GLRA1: variants seen among roughly 807,000 people sequenced by gnomAD.
GLRA1 encodes the protein glycine receptor subunit alpha-1.
Under a neutral mutation model 48.3 loss-of-function variants are expected in GLRA1, and 37 were observed. The ratio of observed to expected loss-of-function variants is 0.77; its 90% CI spans 0.59 to 1.01. The LOEUF is 1.01. GLRA1 is among the 50% of genes least tolerant of loss of function. The pLI is 0.00. For synonymous variants in GLRA1, 196 were observed against 210.7 expected (o/e 0.93, Z 0.60); for missense variants, 427 against 571.0 (o/e 0.75, Z 2.57).
In GLRA1 at chr5:151,855,210, A is replaced by G. The variant is rs774562316; in HGVS notation, c.560-33T>C. ...GGGATCAGAAGAAGGAGCAGTCACC[A>G]CTCAGAAGCACTTGTTTGAAGCATG... On this transcript the variant is annotated intron_variant, in intron 5 of 8. Coordinates refer to ENST00000274576, the MANE Select transcript of GLRA1 (RefSeq NM_000171.4). 2.5e-6 allele frequency: 4 copies of G among 1,608,258 alleles called. No individual in the cohort carries two copies. In the African/African-American group the frequency reaches 5.3e-5, roughly 21 times the overall value.
chr5:151,916,149 A>G (rs1355756769), intron 1 of GLRA1, among the ~76,000 whole-genome samples: 2 of 152,224 alleles, frequency 1.3e-5, no homozygotes, highest in African/African-American at 4.8e-5. Context: ...CTCTGAGAAT[A>G]ACAGCATGGT....
In GLRA1 at chr5:151,903,542, A is replaced by G. The variant is rs780198891; in HGVS notation, c.57-11104T>C. On this transcript the variant is annotated intron_variant, in intron 1 of 8. Coordinates refer to ENST00000274576, the MANE Select transcript of GLRA1 (RefSeq NM_000171.4). ...TTCTTTGTTTCACTCAGCAGGTTCC[A>G]AAGTCTTGGGCAAGAAGTGAGTAGT... is the stretch of plus-strand genomic sequence containing the variant. 4.5e-4 allele frequency among the ~76,000 whole-genome samples: 68 copies of G among 152,230 alleles called. 1 individual carries two copies. Among genetic ancestry groups the G allele is most frequent in the Non-Finnish European group, 8.8e-4 (60 of 68,044 alleles).
intron 3 of GLRA1, among the ~76,000 whole-genome samples, chr5:151,867,815 A>G (rs1015212493): frequency 2.0e-5 from 3 of 152,216 alleles, no homozygotes; most frequent in Non-Finnish European, 4.4e-5. Flanking sequence ...AAATGAATTA[A>G]TTTGACTGTG....
chr5:151,915,353 T>C (rs887088039), intron 1 of GLRA1, among the ~76,000 whole-genome samples: 2 of 152,180 alleles, frequency 1.3e-5, no homozygotes, highest in African/African-American at 4.8e-5. Flanking sequence ...AGATGCATTT[T>C]TTCTGTACCC....
At chr5:151,885,854 T>C in intron 3 of GLRA1, among the ~76,000 whole-genome samples, 1 of 152,032 alleles carries the variant, frequency 6.6e-6, no homozygotes, top group East Asian at 1.9e-4. Flanking sequence ...AAGGCTAGTG[T>C]GGGATAAAGT....
chr5:151,835,893 C>T (rs1389284852), intron 7 of GLRA1, among the ~76,000 whole-genome samples: 1 of 152,156 alleles, frequency 6.6e-6, no homozygotes, highest in East Asian at 1.9e-4. Flanking sequence ...CCTTTGAAAG[C>T]CAGCACAAGA....
Position 151,851,414 on chromosome 5 carries a change from G to A in GLRA1, c.888C>T (p.Ser296=), listed in dbSNP as rs192326771. 2.5e-5 allele frequency: 40 copies of A among 1,613,374 alleles called. No individual in the cohort carries two copies. Among genetic ancestry groups the A allele is most frequent in the Admixed American group, 1.7e-4 (10 of 60,022 alleles). The part of the protein sequence containing the change: ...TTVLTMTTQS[S]GSRASLPKVS... Reference sequence around the variant, plus strand: ...CCTTGGGCAGAGATGCTCGAGAGCCGGAGCTCTGGGTGGTCATGGTGAGCA... The same window carrying A: ...CCTTGGGCAGAGATGCTCGAGAGCCAGAGCTCTGGGTGGTCATGGTGAGCA... The change falls in exon 7 of 9, where the codon TCC becomes TCT. Residue 296 remains serine (S), a synonymous_variant. Coordinates refer to ENST00000274576, the MANE Select transcript of GLRA1 (RefSeq NM_000171.4).
intron 3 of GLRA1, among the ~76,000 whole-genome samples, chr5:151,864,043 A>T (rs1753271269): frequency 6.6e-6 from 1 of 152,016 alleles, no homozygotes; most frequent in Admixed American, 6.6e-5. Flanking sequence ...TGTCCTGTTG[A>T]TGGTAATGGA....
intron 3 of GLRA1, among the ~76,000 whole-genome samples, chr5:151,877,314 T>C (rs887839310): frequency 1.3e-5 from 2 of 152,194 alleles, no homozygotes; most frequent in Non-Finnish European, 2.9e-5. Context: ...TGAATCATTG[T>C]TGTCTGAAGA....
chr5:151,903,779 T>C (rs1200647732), intron 1 of GLRA1, among the ~76,000 whole-genome samples: 2 of 152,244 alleles, frequency 1.3e-5, no homozygotes, highest in Non-Finnish European at 2.9e-5. Context: ...AGTTAAGAAC[T>C]GTTCCATACA....
intron 3 of GLRA1, among the ~76,000 whole-genome samples, chr5:151,884,297 T>C (rs1389005503): frequency 6.6e-6 from 1 of 152,004 alleles, no homozygotes. Context: ...GGCCTGGTGG[T>C]GCATGTCTGT....
rs1753006976 is a variant in GLRA1 at position 151,855,139 on chromosome 5, C to T, written c.598G>A (p.Glu200Lys). 1.9e-6 allele frequency: 3 copies of T among 1,613,988 alleles called. No homozygotes were observed. The South Asian group carries it at 3.3e-5, about 18-fold the overall frequency. The part of the protein sequence containing the change: ...TMNDLIFEWQ[E>K]QGAVQVADGL... Reference sequence around the variant, plus strand: ...TCTGCTACCTGCACGGCTCCCTGTTCCTGCCACTCAAAGATGAGGTCATTC... The same window carrying T: ...TCTGCTACCTGCACGGCTCCCTGTTTCTGCCACTCAAAGATGAGGTCATTC... The change falls in exon 6 of 9, where the codon GAA becomes AAA. Residue 200 changes from glutamate (E) to lysine (K), a missense_variant. By Grantham distance (56) the Glu-to-Lys change is moderately conservative (BLOSUM62 1). Coordinates refer to ENST00000274576, the MANE Select transcript of GLRA1 (RefSeq NM_000171.4).
intron 8 of GLRA1, among the ~76,000 whole-genome samples, chr5:151,827,027 C>CTTTTTT (rs1581595767): frequency 3.0e-5 from 3 of 100,190 alleles, no homozygotes; most frequent in Non-Finnish European, 6.5e-5. Context: ...TTCTTTCTTT[C>CTTTTTT]TGTTTTTTTT....
chr5:151,849,066 ATTTC>A lies in GLRA1; in HGVS notation c.912+2320_912+2323del, dbSNP rs757065123. 18 of 416,360 alleles carry A rather than the reference ATTTC, an allele frequency of 4.3e-5. No homozygotes were observed. In the East Asian group the frequency reaches 6.7e-4, roughly 15 times the overall value. 25.8% of individuals were successfully genotyped at this position (416,360 alleles called of 1,614,324 possible). ...TGTGTGGAAGAGTTGCCTGAGTGGG[ATTTC>A]TTTCTTTCTTTTCTTTCCTTTTTAT... is the stretch of plus-strand genomic sequence containing the variant. On this transcript the variant is annotated intron_variant, in intron 7 of 8. Transcript: ENST00000274576.
intron 7 of GLRA1, among the ~76,000 whole-genome samples, chr5:151,836,690 A>T (rs952229813): frequency 4.6e-5 from 7 of 152,226 alleles, no homozygotes; most frequent in South Asian, 4.1e-4. Context: ...AAAACAAGCA[A>T]TGGGGAAAGG....
At chr5:151,827,317 A>G (rs781024316) in intron 8 of GLRA1, among the ~76,000 whole-genome samples, 2 of 152,076 alleles carry the variant, frequency 1.3e-5, no homozygotes, top group African/African-American at 4.8e-5. Context: ...AAGGATGGTG[A>G]TATCTTAATT....
At chr5:151,850,579 A>G in intron 7 of GLRA1, 1 of 1,428,580 alleles carries the variant, frequency 7.0e-7, no homozygotes, top group East Asian at 2.3e-5. Context: ...ACCTAGCTGG[A>G]TTCCATGAAA....
At chr5:151,843,124 A>T (rs943287257) in intron 7 of GLRA1, among the ~76,000 whole-genome samples, 1 of 152,184 alleles carries the variant, frequency 6.6e-6, no homozygotes, top group Non-Finnish European at 1.5e-5. Flanking sequence ...AAGAAATCCC[A>T]TGTTGATGGA....
At chr5:151,862,932 G>T (rs1357758066) in intron 3 of GLRA1, among the ~76,000 whole-genome samples, 1 of 152,168 alleles carries the variant, frequency 6.6e-6, no homozygotes, top group Admixed American at 6.5e-5. Flanking sequence ...GGCCAGAGCT[G>T]ATTTTAGAAC....
Sources: gnomAD v4.1 joint callset for allele counts (sites outside exome capture counted in the v4.1 genomes callset) on GRCh38, gnomAD v4.1.1 for gene constraint, MANE v1.5 for transcripts, NCBI Gene and HGNC (gene_info 2026-07-23, HGNC 2026-07-21) for gene names.